Variants in CMYA5 observed in about 807,000 individuals in gnomAD.
CMYA5 encodes cardiomyopathy associated 5, also known as cardiomyopathy-associated protein 5.
Under a neutral mutation model 318.9 loss-of-function variants are expected in CMYA5, and 246 were observed. The ratio of observed to expected loss-of-function variants is 0.77; its 90% CI spans 0.70 to 0.86. The LOEUF is 0.86. CMYA5 is among the 40% of genes least tolerant of loss of function. The probability of loss-of-function intolerance (pLI) is 0.00; values close to 1 mark genes in which losing one functional copy is unlikely to be tolerated. For missense variants in CMYA5, 4,589 were observed against 4,678.2 expected, an observed-to-expected ratio of 0.98 and a Z score of 0.56; for synonymous variants, 1,641 against 1,729.5, an observed-to-expected ratio of 0.95 and a Z score of 1.27.
chr5:79,797,921 C>A (rs1829301700), intron 12 of CMYA5, among the ~76,000 whole-genome samples: 1 of 152,196 alleles, frequency 6.6e-6, no homozygotes, highest in Admixed American at 6.5e-5. Context: ...CCTGTCCTTT[C>A]TGGCTGAGTG....
rs754746952 is a variant in CMYA5 at position 79,745,269 on chromosome 5, AATG to A, written c.10787_10789del (p.Met3596del). On this transcript the variant is annotated inframe_deletion, in exon 4 of 13. Transcript: ENST00000446378. ...AAAGGCTAGAAGAACAGAATGAGGAAATGATGAAGAAGGTTTTAGCACAGTATG... is the reference window on the plus strand; with the variant it reads ...AAAGGCTAGAAGAACAGAATGAGGAAATGAAGAAGGTTTTAGCACAGTATG... 8 of 1,609,618 alleles carry A rather than the reference AATG, an allele frequency of 5.0e-6. No individual in the cohort carries two copies. Among genetic ancestry groups the A allele is most frequent in the African/African-American group, 2.7e-5 (2 of 74,844 alleles).
At position 79,729,314 on chromosome 5, in the gene CMYA5, G is replaced by A. The variant is rs1343136467; in HGVS notation, c.549G>A (p.Lys183=). The A allele has an allele frequency of 1.2e-6, 2 of 1,611,858 alleles. No homozygotes were observed. The highest frequency in any genetic ancestry group is 2.2e-5 in the East Asian group (1 of 44,868). The change falls in exon 2 of 13, where the codon AAG becomes AAA. Residue 183 remains lysine (K), a synonymous_variant. Transcript: ENST00000446378. ...ASQVLTTEKE[K]SYTGIYDKAR... ...AGGTACTAACCACGGAGAAAGAGAA[G>A]TCATATACTGGCATTTATGATAAAG...
intron 1 of CMYA5, among the ~76,000 whole-genome samples, chr5:79,728,052 A>G (rs928598376): frequency 1.3e-5 from 2 of 152,182 alleles, no homozygotes; most frequent in Admixed American, 6.5e-5. Context: ...TAACTAATTT[A>G]ATCTTCTCAA....
rs373061082 is a variant in CMYA5, at chr5:79,799,648, A to C, written c.*32A>C. On this transcript the variant is annotated 3_prime_UTR_variant, in exon 13 of 13. Coordinates refer to ENST00000446378, the MANE Select transcript of CMYA5 (RefSeq NM_153610.5). ...GCTTTCAGAATTTGCAAGAACAGCG[A>C]TTTGAATTTTGGGGGGGTCTGCTGT... 2.0e-5 allele frequency: 32 copies of C among 1,586,304 alleles called. No individual in the cohort carries two copies. Among genetic ancestry groups the C allele is most frequent in the Non-Finnish European group, 2.6e-5 (30 of 1,162,520 alleles).
At chr5:79,752,602 T>A (rs1325148961) in intron 5 of CMYA5, 74 bp from the exon 6 acceptor site, 15 of 1,098,082 alleles carry the variant, frequency 1.4e-5, no homozygotes, top group Non-Finnish European at 2.0e-5. Context: ...CAGCTTCATT[T>A]TGAACAATTT....
At chr5:79,793,323 A>G in intron 11 of CMYA5, 114 bp from the exon 12 acceptor site, 2 of 994,024 alleles carry the variant, frequency 2.0e-6, no homozygotes, top group Non-Finnish European at 3.0e-6. Flanking sequence ...AAATTCCAGC[A>G]GTTTCCAAGG....
chr5:79,748,753 AG>A (rs1212458067), intron 5 of CMYA5, among the ~76,000 whole-genome samples: 1 of 151,998 alleles, frequency 6.6e-6, no homozygotes, highest in Non-Finnish European at 1.5e-5. Flanking sequence ...CATGTTGCCC[AG>A]GCTGATCTTG....
At position 79,743,835 on chromosome 5, in the gene CMYA5, A is replaced by G; in HGVS notation, c.10647A>G (p.Leu3549=). Residue 3549 remains leucine, a synonymous_variant, in exon 3 of 13, where the codon TTA becomes TTG. Transcript: ENST00000446378. The part of the protein sequence containing the change: ...DTAISAVKVQ[L]AEFLENLQEK... Reference sequence around the variant, plus strand: ...TTAATTCTTTTCTTCAGGTTCAATTAGCAGAATTTCTAGAAAATTTACAAG... The same window carrying G: ...TTAATTCTTTTCTTCAGGTTCAATTGGCAGAATTTCTAGAAAATTTACAAG... 1 of 1,525,014 alleles carries G rather than the reference A, an allele frequency of 6.6e-7. No homozygotes were observed. The highest frequency in any genetic ancestry group is 1.7e-4 in the Middle Eastern group (1 of 5,920). The allele number at this position is 1,525,014 out of a possible 1,614,324, so 94.5% of individuals were successfully genotyped here. A position where few individuals can be genotyped will look rare whatever the true frequency, so the allele number is the denominator to read the frequency against.
chr5:79,695,798 A>G (rs146448068), intron 1 of CMYA5, among the ~76,000 whole-genome samples: 128 of 152,348 alleles, frequency 8.4e-4, no homozygotes, highest in African/African-American at 2.9e-3. Flanking sequence ...CATTCTTCCT[A>G]AAATGAGATT....
chr5:79,758,712 A>C, intron 6 of CMYA5, 41 bp from the exon 7 acceptor site: 1 of 1,510,484 alleles, frequency 6.6e-7, no homozygotes, highest in Non-Finnish European at 8.9e-7. Flanking sequence ...AAAAATTAAT[A>C]AAAACAGCAT....
intron 1 of CMYA5, among the ~76,000 whole-genome samples, chr5:79,696,940 G>A (rs1407403664): frequency 6.6e-6 from 1 of 152,104 alleles, no homozygotes; most frequent in African/African-American, 2.4e-5. Flanking sequence ...CCGGGAGGCG[G>A]AGGTTGCAGT....
intron 1 of CMYA5, among the ~76,000 whole-genome samples, chr5:79,727,260 T>TA (rs1409517161): frequency 1.3e-5 from 2 of 152,190 alleles, no homozygotes; most frequent in Non-Finnish European, 2.9e-5. Context: ...TGGCAGCTTT[T>TA]AAAATCTAAA....
intron 1 of CMYA5, among the ~76,000 whole-genome samples, chr5:79,695,144 AT>A (rs1246035135): frequency 6.6e-6 from 1 of 152,052 alleles, no homozygotes; most frequent in East Asian, 1.9e-4. Flanking sequence ...TGAAAACCTA[AT>A]TTTTTTTAGT....
chr5:79,777,805 T>A (rs978064104), intron 9 of CMYA5, among the ~76,000 whole-genome samples: 1 of 151,688 alleles, frequency 6.6e-6, no homozygotes, highest in African/African-American at 2.4e-5. Context: ...AATTTTTTTT[T>A]AAGTTTTATT....
In CMYA5 at chr5:79,737,154, C is replaced by G. The variant is rs201742395; in HGVS notation, c.8389C>G (p.Arg2797Gly). 2,396 of 1,612,766 alleles carry G rather than the reference C, an allele frequency of 1.5e-3. 4 individuals carry two copies. The highest frequency in any genetic ancestry group is 1.9e-3 in the Non-Finnish European group (2,207 of 1,179,496). Residue 2797 changes from arginine to glycine, a missense_variant, in exon 2 of 13, where the codon CGT (arginine) becomes GGT (glycine). Physicochemically the swap from Arg to Gly is moderately radical, Grantham distance 125. Around this residue, in one of 3 missense-constraint regions of CMYA5, gnomAD observed 2,431 missense variants for 2,495.1 expected, o/e 0.97. Transcript: ENST00000446378. ...TAAAGAATCCGAAAGGACTTTAGCT[C>G]GTCCTTTTGATGAAACTAAGAGCTC... The part of the protein sequence containing the change: ...PSKESERTLA[R>G]PFDETKSSET...
chr5:79,792,066 C>T (rs1829190517), intron 11 of CMYA5, among the ~76,000 whole-genome samples: 1 of 152,240 alleles, frequency 6.6e-6, no homozygotes, highest in Non-Finnish European at 1.5e-5. Flanking sequence ...CACTATTTCC[C>T]TGTCACATTG....
chr5:79,709,960 C>CAAAAAAAAAAAAAAAAAAAA (rs61657639), intron 1 of CMYA5, among the ~76,000 whole-genome samples: 3 of 24,322 alleles, frequency 1.2e-4, no homozygotes, highest in African/African-American at 1.5e-4. Context: ...GACTCCATCT[C>CAAAAAAAAAAAAAAAAAAAA]AAAAAAAAAA....
intron 1 of CMYA5, among the ~76,000 whole-genome samples, chr5:79,690,912 G>A (rs1826959378): frequency 6.6e-6 from 1 of 152,180 alleles, no homozygotes; most frequent in African/African-American, 2.4e-5. Flanking sequence ...AGCCAGCAGA[G>A]CCGATGTTGA....
In CMYA5 at chr5:79,734,536, T is replaced by A. The variant is rs770110661; in HGVS notation, c.5771T>A (p.Leu1924Gln). The A allele has an allele frequency of 6.2e-7, 1 of 1,613,858 alleles. No individual in the cohort carries two copies. The highest frequency in any genetic ancestry group is 1.1e-5 in the South Asian group (1 of 91,084). ...CTGGATTCCTCTAGCAGCAATGAGCTGAGGCCAGGGCAGCTCAAGGCTGCT... is the reference window on the plus strand; with the variant it reads ...CTGGATTCCTCTAGCAGCAATGAGCAGAGGCCAGGGCAGCTCAAGGCTGCT... Reference protein sequence around the residue: ...VQLDSSSSNELRPGQLKAAVS... With the variant: ...VQLDSSSSNEQRPGQLKAAVS... Residue 1924 changes from leucine to glutamine, a missense_variant, in exon 2 of 13, where the codon CTG (leucine) becomes CAG (glutamine). Physicochemically the swap from Leu to Gln is moderately radical, Grantham distance 113 (BLOSUM62 -2). Coordinates refer to ENST00000446378, the MANE Select transcript of CMYA5 (RefSeq NM_153610.5).
Sources: allele counts gnomAD v4.1 joint callset (sites outside exome capture counted in the v4.1 genomes callset), GRCh38; gene constraint gnomAD v4.1.1; regional missense constraint gnomAD v4.1.1; transcripts MANE v1.5; gene names NCBI Gene and HGNC (gene_info 2026-07-23, HGNC 2026-07-21).